Variants in GLDN observed in about 807,000 individuals in gnomAD.
GLDN encodes the protein gliomedin, also known as collomin.
In GLDN, 47 loss-of-function variants were observed where a neutral mutation model predicts 56.5. That is an observed-to-expected ratio of 0.83 (90% CI 0.66 to 1.06). The LOEUF (loss-of-function observed/expected upper bound fraction) is 1.06. Among genes scored for constraint, GLDN ranks in the 50% least tolerant of loss-of-function variants. The probability of loss-of-function intolerance (pLI) is 0.00; values close to 1 mark genes in which losing one functional copy is unlikely to be tolerated. For missense variants in GLDN, 782 were observed against 714.3 expected (o/e 1.09, Z -1.08); for synonymous variants, 332 against 278.8 (o/e 1.19, Z -1.90).
rs1242145177 is a variant in GLDN at position 51,383,695 on chromosome 15, G to T, written c.434-90G>T. 8.3e-6 allele frequency: 9 copies of T among 1,081,128 alleles called. No homozygotes were observed. In the East Asian group the frequency reaches 9.8e-5, roughly 12 times the overall value. 67.0% of individuals were successfully genotyped at this position (1,081,128 alleles called of 1,614,324 possible). On this transcript the variant is annotated intron_variant, in intron 3 of 9. Coordinates refer to ENST00000335449, the MANE Select transcript of GLDN (RefSeq NM_181789.4). ...TGGAAAAGGAATTGATGCCTGCTCA[G>T]TTTCACTGGTAAAGGAAATGACAGT... is the stretch of plus-strand genomic sequence containing the variant.
downstream of GLDN, among the ~76,000 whole-genome samples, chr15:51,409,885 C>A (rs569687311): frequency 6.6e-6 from 1 of 152,206 alleles, no homozygotes; most frequent in Non-Finnish European, 1.5e-5. Flanking sequence ...GAAAAATTAA[C>A]TTTGAATGCT....
chr15:51,397,691 A>G (rs2038165590), intron 6 of GLDN, 93 bp downstream of exon 6: 1 of 1,336,460 alleles, frequency 7.5e-7, no homozygotes, highest in Non-Finnish European at 9.7e-7. Flanking sequence ...ATTTGTTTTA[A>G]TAGAGGGAGG....
intron 4 of GLDN, among the ~76,000 whole-genome samples, chr15:51,392,145 G>T (rs1177101799): frequency 3.9e-5 from 6 of 152,116 alleles, no homozygotes; most frequent in Non-Finnish European, 8.8e-5. Context: ...TTACTCCTCT[G>T]GGGTAAATGA....
intron 1 of GLDN, among the ~76,000 whole-genome samples, chr15:51,369,939 G>T (rs1448324693): frequency 6.6e-6 from 1 of 152,062 alleles, no homozygotes; most frequent in East Asian, 1.9e-4. Flanking sequence ...AACATAGAAA[G>T]ATTCTATCAC....
chr15:51,366,050 T>G (rs181963376), intron 1 of GLDN, among the ~76,000 whole-genome samples: 1 of 152,360 alleles, frequency 6.6e-6, no homozygotes, highest in Non-Finnish European at 1.5e-5. Flanking sequence ...GTGAGATTAG[T>G]AAATGGATTT....
At chr15:51,377,312 C>T (rs1302712311) in intron 1 of GLDN, 137 bp from the exon 2 acceptor site, 13 of 641,546 alleles carry the variant, frequency 2.0e-5, no homozygotes, top group Middle Eastern at 2.5e-4. Context: ...GACATCACTG[C>T]GTTTTCCTTG....
intron 1 of GLDN, among the ~76,000 whole-genome samples, chr15:51,356,643 C>T (rs540483874): frequency 6.6e-6 from 1 of 152,146 alleles, no homozygotes; most frequent in Non-Finnish European, 1.5e-5. Context: ...TGTGAGTTCA[C>T]TTGTGGCTCC....
chr15:51,367,175 T>A (rs182447912), intron 1 of GLDN, among the ~76,000 whole-genome samples: 12 of 152,286 alleles, frequency 7.9e-5, no homozygotes, highest in Non-Finnish European at 1.3e-4. Context: ...CCCCTTGACC[T>A]GGGGTTGGAT....
chr15:51,356,613 C>T (rs1488722981), intron 1 of GLDN, among the ~76,000 whole-genome samples: 2 of 152,114 alleles, frequency 1.3e-5, no homozygotes, highest in South Asian at 2.1e-4. Context: ...TGGTAAAGAG[C>T]GTGGGCATTG....
intron 1 of GLDN, among the ~76,000 whole-genome samples, chr15:51,344,843 A>T (rs2141043736): frequency 6.6e-6 from 1 of 152,366 alleles, no homozygotes; most frequent in Non-Finnish European, 1.5e-5. Flanking sequence ...TTAGCTGAGC[A>T]CATTCTTACC....
rs1350324572 is a variant in GLDN at position 51,397,563 on chromosome 15, C to T, written c.782C>T (p.Pro261Leu). The T allele has an allele frequency of 1.9e-6, 3 of 1,602,560 alleles. No homozygotes were observed. Among genetic ancestry groups the T allele is most frequent in the East Asian group, 2.3e-5 (1 of 43,574 alleles). ...GPPGSRRAKG[P>L]RQPSMFNGQC... ...CCTGGAAGCAGAAGAGCCAAAGGCC[C>T]TCGGCAGCCAAGCATGTTCAACGGC... The change falls in exon 6 of 10, where the codon CCT becomes CTT. Residue 261 changes from proline to leucine, a missense_variant. By Grantham distance (98) the Pro-to-Leu change is moderately conservative (BLOSUM62 -3). Transcript: ENST00000335449.
chr15:51,389,359 T>C (rs1409030522), intron 4 of GLDN, among the ~76,000 whole-genome samples: 1 of 152,222 alleles, frequency 6.6e-6, no homozygotes, highest in Admixed American at 6.5e-5. Context: ...ATGAGAAGAC[T>C]AGAACATTGT....
chr15:51,386,078 C>T lies in GLDN; in HGVS notation c.541+2186C>T, dbSNP rs2037884936. On this transcript the variant is annotated intron_variant, in intron 4 of 9. Transcript: ENST00000335449. ...AGAAGGTGTTGGATTCTGTTTGTCA[C>T]TGGAGGGTGACCCCAATCCTTGGTT... 3.3e-5 allele frequency among the ~76,000 whole-genome samples: 5 copies of T among 152,150 alleles called. No individual in the cohort carries two copies. The South Asian group carries it at 1.0e-3, about 31-fold the overall frequency.
At chr15:51,372,422 C>A (rs1417483147) in intron 1 of GLDN, among the ~76,000 whole-genome samples, 1 of 152,196 alleles carries the variant, frequency 6.6e-6, no homozygotes, top group Non-Finnish European at 1.5e-5. Flanking sequence ...GGGAGATGAA[C>A]CTGATGGGCC....
chr15:51,369,676 T>C lies in GLDN; in HGVS notation c.364-7773T>C, dbSNP rs574872211. On this transcript the variant is annotated intron_variant, in intron 1 of 9. Coordinates refer to ENST00000335449, the MANE Select transcript of GLDN (RefSeq NM_181789.4). ...TCTGATGAGAAAGACATGCTTTTGA[T>C]TTAAGCCTTTTACCTACACACAGAA... is the stretch of plus-strand genomic sequence containing the variant. Among the ~76,000 whole-genome samples, 19 of 152,354 alleles carry C rather than the reference T, an allele frequency of 1.2e-4. No homozygotes were observed. The South Asian group carries it at 2.7e-3, about 22-fold the overall frequency.
intron 6 of GLDN, among the ~76,000 whole-genome samples, chr15:51,399,580 C>T (rs2038205808): frequency 6.6e-6 from 1 of 152,168 alleles, no homozygotes; most frequent in South Asian, 2.1e-4. Flanking sequence ...CTGTCAAGGA[C>T]CTGTGTTTCT....
In GLDN at chr15:51,357,160, A is replaced by C. The variant is rs116415739; in HGVS notation, c.363+15113A>C. ...CAACCCTTCCAGGTCCCCTTCCACC[A>C]CATGGAAGCTTTACTTTAGCTTTCG... On this transcript the variant is annotated intron_variant, in intron 1 of 9. Coordinates refer to ENST00000335449, the MANE Select transcript of GLDN (RefSeq NM_181789.4). 8.4e-3 allele frequency among the ~76,000 whole-genome samples: 1,277 copies of C among 152,320 alleles called. 20 individuals carry two copies. Among genetic ancestry groups the C allele is most frequent in the African/African-American group, 0.029 (1,204 of 41,566 alleles).
intron 1 of GLDN, among the ~76,000 whole-genome samples, chr15:51,361,871 C>T (rs1170070611): frequency 2.0e-5 from 3 of 152,120 alleles, no homozygotes; most frequent in Non-Finnish European, 4.4e-5. Context: ...GCAGAGGTTG[C>T]AGTGAGCCAA....
intron 5 of GLDN, 102 bp downstream of exon 5, chr15:51,395,083 C>T: frequency 1.7e-6 from 2 of 1,157,686 alleles, no homozygotes; most frequent in Non-Finnish European, 2.4e-6. Flanking sequence ...TCCTTTATGG[C>T]CTTATGTGGC....
Sources: gnomAD v4.1 joint callset for allele counts (sites outside exome capture counted in the v4.1 genomes callset) on GRCh38, gnomAD v4.1.1 for gene constraint, MANE v1.5 for transcripts, NCBI Gene and HGNC (gene_info 2026-07-23, HGNC 2026-07-21) for gene names.